Variants in CD72 observed in about 807,000 individuals in gnomAD.
CD72 encodes the protein CD72 molecule, also known as B-cell differentiation antigen CD72.
CD72 carries 28 observed loss-of-function variants against 50.7 expected under a neutral mutation model. The ratio of observed to expected loss-of-function variants is 0.55; its 90% CI spans 0.41 to 0.76. The LOEUF (loss-of-function observed/expected upper bound fraction) is 0.76. Among genes scored for constraint, CD72 ranks in the 30% least tolerant of loss-of-function variants. The pLI is 0.00. For synonymous variants in CD72, 176 were observed against 171.2 expected, an observed-to-expected ratio of 1.03 and a Z score of -0.22; for missense variants, 403 against 420.6, an observed-to-expected ratio of 0.96 and a Z score of 0.37.
At chr9:35,635,329 G>A (rs1202088250) in intron 1 of CD72, among the ~76,000 whole-genome samples, 1 of 152,132 alleles carries the variant, frequency 6.6e-6, no homozygotes, top group African/African-American at 2.4e-5. Context: ...AGCATTTGCA[G>A]GTTAAGTCTA....
intron 4 of CD72, 71 bp downstream of exon 4, chr9:35,616,529 A>T (rs1823066197): frequency 8.0e-7 from 1 of 1,257,420 alleles, no homozygotes; most frequent in Non-Finnish European, 1.2e-6. Flanking sequence ...GCTGAGGAAG[A>T]TCAGCTTTGG....
At chr9:35,614,090 AGGCAGGAGTGAT>A in intron 5 of CD72, among the ~76,000 whole-genome samples, 1 of 152,196 alleles carries the variant, frequency 6.6e-6, no homozygotes, top group African/African-American at 2.4e-5. Context: ...ACTGAAAGGT[AGGCAGGAGTGAT>A]GGAAGCCATG....
chr9:35,625,200 G>T (rs2131777435), intron 1 of CD72, among the ~76,000 whole-genome samples: 1 of 152,304 alleles, frequency 6.6e-6, no homozygotes, highest in East Asian at 1.9e-4. Context: ...CAAAGGAAAA[G>T]TTCTTGAAGG....
intron 3 of CD72, 74 bp downstream of exon 3, chr9:35,617,102 G>T: frequency 4.5e-6 from 7 of 1,540,218 alleles, no homozygotes; most frequent in Non-Finnish European, 6.1e-6. Flanking sequence ...GCACCCCGCG[G>T]GGCCCAGCGC....
In CD72 at chr9:35,611,518, C is replaced by T. The variant is rs568867345; in HGVS notation, c.950+286G>A. 2.0e-5 allele frequency among the ~76,000 whole-genome samples: 3 copies of T among 152,290 alleles called. No homozygotes were observed. The South Asian group carries it at 6.2e-4, about 32-fold the overall frequency. ...ACGCTGCTGTCATCAGCTGTGGAGC[C>T]TTAACTAAATCCTTAATGTCTCCCC... On this transcript the variant is annotated intron_variant, in intron 7 of 8. Transcript: ENST00000259633.
At chr9:35,640,828 G>T (rs187028428) in intron 1 of CD72, among the ~76,000 whole-genome samples, 17 of 152,362 alleles carry the variant, frequency 1.1e-4, no homozygotes, top group Admixed American at 9.8e-4. Context: ...GGTTGCCATT[G>T]CCGGCTTGAA....
intron 1 of CD72, among the ~76,000 whole-genome samples, chr9:35,636,973 G>T (rs977966900): frequency 6.6e-6 from 1 of 152,074 alleles, no homozygotes; most frequent in African/African-American, 2.4e-5. Flanking sequence ...ATTTGTTTCT[G>T]CCCCACCCTA....
At chr9:35,619,151 T>C (rs1823116292), upstream of CD72, among the ~76,000 whole-genome samples, 1 of 152,122 alleles carries the variant, frequency 6.6e-6, no homozygotes, top group Admixed American at 6.5e-5. Flanking sequence ...CTTTAAAAAG[T>C]CCCAAAGCTG....
intron 2 of CD72, 74 bp from the exon 3 acceptor site, chr9:35,617,321 G>T: frequency 6.8e-7 from 1 of 1,469,852 alleles, no homozygotes; most frequent in Non-Finnish European, 9.1e-7. Context: ...CACCCGCTTC[G>T]CCCTCGCCAC....
chr9:35,632,417 G>T (rs1003651789), intron 1 of CD72, among the ~76,000 whole-genome samples: 2 of 151,966 alleles, frequency 1.3e-5, no homozygotes, highest in Non-Finnish European at 2.9e-5. Flanking sequence ...TGATGCGCCC[G>T]CCTCGGCCTC....
chr9:35,631,615 T>C (rs966717823), intron 1 of CD72, among the ~76,000 whole-genome samples: 2 of 152,164 alleles, frequency 1.3e-5, no homozygotes, highest in South Asian at 2.1e-4. Flanking sequence ...ATAGAACGGC[T>C]GGGCGCGGTG....
chr9:35,625,136 G>A (rs143464725), intron 1 of CD72, among the ~76,000 whole-genome samples: 1,533 of 152,324 alleles, frequency 0.01, 33 homozygotes, highest in South Asian at 0.093. Flanking sequence ...CATGTCCAAA[G>A]CCAAGATAGG....
rs1000566923 is a variant in CD72 at position 35,610,234 on chromosome 9, G to C, written c.*89C>G. On this transcript the variant is annotated 3_prime_UTR_variant, in exon 9 of 9. Transcript: ENST00000259633. ...GCTGGGCACTGCCCAGAATGAAGGA[G>C]ATGGTCTGAGGAACCCCAGGCCTCA... 4.9e-6 allele frequency: 1 copy of C among 203,316 alleles called. No individual in the cohort carries two copies. The highest frequency in any genetic ancestry group is 2.3e-5 in the African/African-American group (1 of 42,914). 12.6% of individuals were successfully genotyped at this position (203,316 alleles called of 1,614,324 possible). A position where few individuals can be genotyped will look rare whatever the true frequency, so the allele number is the denominator to read the frequency against.
intron 1 of CD72, among the ~76,000 whole-genome samples, chr9:35,634,375 A>G (rs184618544): frequency 1.3e-5 from 2 of 152,232 alleles, no homozygotes; most frequent in African/African-American, 4.8e-5. Flanking sequence ...TTTTTGAGAC[A>G]GAGTCTCACT....
In CD72 at chr9:35,615,931, C is replaced by G; in HGVS notation, c.688+12G>C. 1 of 1,606,028 alleles carries G rather than the reference C, an allele frequency of 6.2e-7. No individual in the cohort carries two copies. The highest frequency in any genetic ancestry group is 8.5e-7 in the Non-Finnish European group (1 of 1,174,372). On this transcript the variant is annotated intron_variant, in intron 5 of 8. Coordinates refer to ENST00000259633, the MANE Select transcript of CD72 (RefSeq NM_001782.3). ...CCATCCCTCCCTTCTCTCCTCTCCCCAGAGCGGATACCTGCTGAGCCGCAT... is the reference window on the plus strand; with the variant it reads ...CCATCCCTCCCTTCTCTCCTCTCCCGAGAGCGGATACCTGCTGAGCCGCAT...
Position 35,616,603 on chromosome 9 carries a change from G to A in CD72, c.349C>T (p.Arg117Cys), listed in dbSNP as rs368007396. ...AAGTAGGGACAGCCTTACTCACAGCGCACTCCCAGGCAGATGGCGGTCACT... is the reference window on the plus strand; with the variant it reads ...AAGTAGGGACAGCCTTACTCACAGCACACTCCCAGGCAGATGGCGGTCACT... ...LGVTAICLGV[R>C]YLQVSQQLQQ... Residue 117 changes from arginine (R) to cysteine (C), a missense_variant, in exon 4 of 9, where the codon CGC becomes TGC. Arg to Cys is a radical substitution (Grantham distance 180). Transcript: ENST00000259633. 2 of 1,612,110 alleles carry A rather than the reference G, an allele frequency of 1.2e-6. No individual in the cohort carries two copies. The highest frequency in any genetic ancestry group is 2.7e-5 in the African/African-American group (2 of 74,842).
chr9:35,633,771 G>A (rs180786424), intron 1 of CD72, among the ~76,000 whole-genome samples: 33 of 152,172 alleles, frequency 2.2e-4, no homozygotes, highest in African/African-American at 6.0e-4. Context: ...ACTACGTTCC[G>A]AAAAACCCAT....
chr9:35,612,646 TA>T (rs1037020437), intron 6 of CD72, among the ~76,000 whole-genome samples: 3 of 152,116 alleles, frequency 2.0e-5, no homozygotes, highest in African/African-American at 7.2e-5. Flanking sequence ...AATCAGTTAC[TA>T]GGGGCTGCCT....
intron 1 of CD72, among the ~76,000 whole-genome samples, chr9:35,642,167 G>A (rs1311548177): frequency 1.3e-5 from 2 of 152,154 alleles, no homozygotes; most frequent in Non-Finnish European, 2.9e-5. Context: ...TCAGTCACGG[G>A]AACCTCTAAA....
Sources: gnomAD v4.1 joint callset for allele counts (sites outside exome capture counted in the v4.1 genomes callset) on GRCh38, gnomAD v4.1.1 for gene constraint, MANE v1.5 for transcripts, NCBI Gene and HGNC (gene_info 2026-07-23, HGNC 2026-07-21) for gene names.